EXT2: variants seen among roughly 807,000 people sequenced by gnomAD.
The protein encoded by EXT2 is exostosin glycosyltransferase 2, also known as exostosin-2.
Under a neutral mutation model 81.6 loss-of-function variants are expected in EXT2, and 53 were observed. The ratio of observed to expected loss-of-function variants is 0.65; its 90% confidence interval spans 0.52 to 0.82. The LOEUF is 0.82. Among genes scored for constraint, EXT2 ranks in the 40% least tolerant of loss-of-function variants. The pLI is 0.00. For missense variants in EXT2, 774 were observed against 910.2 expected (o/e 0.85, Z 1.93); for synonymous variants, 320 against 340.0 (o/e 0.94, Z 0.65).
At chr11:44,169,980 C>T (rs1406922207) in intron 7 of EXT2, among the ~76,000 whole-genome samples, 2 of 152,046 alleles carry the variant, frequency 1.3e-5, no homozygotes, top group Admixed American at 6.5e-5. Flanking sequence ...TCCATAGGCA[C>T]ACATGCAGGC....
Position 44,247,769 on chromosome 11 carries a change from A to T in EXT2, c.*3482A>T, listed in dbSNP as rs1956108033. Among the ~76,000 whole-genome samples, 1 of 152,348 alleles carries T rather than the reference A, an allele frequency of 6.6e-6. No homozygotes were observed. The highest frequency in any genetic ancestry group is 6.5e-5 in the Admixed American group (1 of 15,312). On this transcript the variant is annotated 3_prime_UTR_variant, in exon 14 of 14. Transcript: ENST00000533608. ...CCCTCTTTGCTCTCATTGGCCAAAG[A>T]TGTTGCTAATAACCCTGTGATCCTA...
intron 7 of EXT2, among the ~76,000 whole-genome samples, chr11:44,143,903 G>C (rs1358957251): frequency 6.6e-6 from 1 of 152,194 alleles, no homozygotes; most frequent in African/African-American, 2.4e-5. Flanking sequence ...AAAGAAAATA[G>C]AGTAGAGAAC....
intron 2 of EXT2, among the ~76,000 whole-genome samples, 161 bp from the exon 3 acceptor site, chr11:44,109,033 T>C (rs1954102836): frequency 6.6e-6 from 1 of 152,208 alleles, no homozygotes; most frequent in African/African-American, 2.4e-5. Context: ...GAGCCAGACT[T>C]GTGTCTGATG....
chr11:44,135,181 C>T (rs1233831478), intron 7 of EXT2, among the ~76,000 whole-genome samples: 3 of 152,088 alleles, frequency 2.0e-5, no homozygotes, highest in Non-Finnish European at 2.9e-5. Context: ...GTGCATACAC[C>T]GAAGTTCCTG....
chr11:44,146,382 A>G (rs1954717774), intron 7 of EXT2, among the ~76,000 whole-genome samples: 1 of 152,214 alleles, frequency 6.6e-6, no homozygotes, highest in Non-Finnish European at 1.5e-5. Context: ...AGTAGCTGTC[A>G]TTTAGTGGCT....
At position 44,249,986 on chromosome 11, in the gene EXT2, C is replaced by A. The variant is rs955139792; in HGVS notation, c.*5699C>A. On this transcript the variant is annotated 3_prime_UTR_variant, in exon 14 of 14. Coordinates refer to ENST00000533608, the MANE Select transcript of EXT2 (RefSeq NM_207122.2). Reference sequence around the variant, plus strand: ...TCGGGAGGCTGAGGCAGGAGAATGGCGTGAACCTGAGAGGTGGAGCTTGCA... The same window carrying A: ...TCGGGAGGCTGAGGCAGGAGAATGGAGTGAACCTGAGAGGTGGAGCTTGCA... 7.2e-5 allele frequency among the ~76,000 whole-genome samples: 11 copies of A among 152,172 alleles called. No homozygotes were observed. The highest frequency in any genetic ancestry group is 2.7e-4 in the African/African-American group (11 of 41,448).
chr11:44,239,868 G>C (rs1342890002), intron 13 of EXT2, among the ~76,000 whole-genome samples: 2 of 151,984 alleles, frequency 1.3e-5, no homozygotes, highest in East Asian at 3.9e-4. Context: ...CAGGGGATTT[G>C]TCCCAGGACC....
chr11:44,169,724 A>AT (rs1012318047), intron 7 of EXT2, among the ~76,000 whole-genome samples: 8 of 151,478 alleles, frequency 5.3e-5, no homozygotes, highest in South Asian at 2.1e-4. Flanking sequence ...CAGATTTCAG[A>AT]TTTTTTTTTA....
In EXT2 at chr11:44,119,163, TATATATAC is replaced by T. The variant is rs1565201273; in HGVS notation, c.743+4864_743+4871del. Reference sequence around the variant, plus strand: ...ATATATATATATATATATATATATATATATATACACATACACACACACACACACACATT... The same window carrying T: ...ATATATATATATATATATATATATATACATACACACACACACACACACATT... On this transcript the variant is annotated intron_variant, in intron 4 of 13. Coordinates refer to ENST00000533608, the MANE Select transcript of EXT2 (RefSeq NM_207122.2). Among the ~76,000 whole-genome samples, 415 of 48,100 alleles carry T rather than the reference TATATATAC, an allele frequency of 8.6e-3. 17 individuals carry two copies. The highest frequency in any genetic ancestry group is 0.024 in the African/African-American group (399 of 16,684). 31.6% of individuals were successfully genotyped at this position (48,100 alleles called of 152,430 possible). A position where few individuals can be genotyped will look rare whatever the true frequency, so the allele number is the denominator to read the frequency against.
chr11:44,215,904 C>T (rs528465336), intron 10 of EXT2, among the ~76,000 whole-genome samples: 1 of 139,688 alleles, frequency 7.2e-6, no homozygotes, highest in Non-Finnish European at 1.5e-5. Context: ...GAGTCTCGCT[C>T]TGTCGCCCAG....
chr11:44,237,110 TC>T (rs1212636233), intron 13 of EXT2, among the ~76,000 whole-genome samples: 5 of 152,140 alleles, frequency 3.3e-5, no homozygotes, highest in Non-Finnish European at 7.3e-5. Flanking sequence ...AACTCTGACA[TC>T]CCAGTAGTGC....
chr11:44,198,573 A>C (rs1215313259), intron 9 of EXT2, among the ~76,000 whole-genome samples: 2 of 152,124 alleles, frequency 1.3e-5, no homozygotes, highest in African/African-American at 4.8e-5. Context: ...GTTGAGGACT[A>C]TTTGATTCAT....
chr11:44,230,354 A>G (rs1045121880), intron 10 of EXT2, among the ~76,000 whole-genome samples: 2 of 152,186 alleles, frequency 1.3e-5, no homozygotes, highest in Admixed American at 6.5e-5. Context: ...TTCTCAGTGC[A>G]GTAGGAAGCC....
chr11:44,184,669 T>C (rs1209170602), intron 8 of EXT2, among the ~76,000 whole-genome samples: 1 of 152,154 alleles, frequency 6.6e-6, no homozygotes, highest in African/African-American at 2.4e-5. Flanking sequence ...GAGAATGGCA[T>C]GAACCCGGGA....
intron 7 of EXT2, among the ~76,000 whole-genome samples, chr11:44,159,462 A>T (rs965547057): frequency 8.6e-5 from 13 of 151,848 alleles, no homozygotes; most frequent in African/African-American, 2.9e-4. Context: ...TTTTCATTAC[A>T]GTGTGTTTGA....
intron 1 of EXT2, among the ~76,000 whole-genome samples, chr11:44,100,085 G>A (rs1953960291): frequency 6.6e-6 from 1 of 152,148 alleles, no homozygotes; most frequent in Admixed American, 6.5e-5. Flanking sequence ...TGTGTTCTCC[G>A]TGCTTCTCCA....
In EXT2 at chr11:44,245,890, G is replaced by A. The variant is rs1956089652; in HGVS notation, c.*1603G>A. 6.6e-6 allele frequency among the ~76,000 whole-genome samples: 1 copy of A among 152,174 alleles called. No homozygotes were observed. The highest frequency in any genetic ancestry group is 2.4e-5 in the African/African-American group (1 of 41,450). ...GGCAAGCGATCATCTCATCCAGTTT[G>A]TTCATTTTGCAAATGCAGAAACTGA... On this transcript the variant is annotated 3_prime_UTR_variant, in exon 14 of 14. Coordinates refer to ENST00000533608, the MANE Select transcript of EXT2 (RefSeq NM_207122.2).
At chr11:44,199,004 T>G (rs934795130) in intron 9 of EXT2, among the ~76,000 whole-genome samples, 1 of 152,228 alleles carries the variant, frequency 6.6e-6, no homozygotes, top group African/African-American at 2.4e-5. Flanking sequence ...ATGTTTGTTC[T>G]CTGAGAGAAT....
chr11:44,206,701 A>C (rs746021112), intron 9 of EXT2, 92 bp from the exon 10 acceptor site: 7 of 1,367,406 alleles, frequency 5.1e-6, no homozygotes, highest in Non-Finnish European at 7.2e-6. Context: ...ATACAAGCTG[A>C]TTCTCCCATC....
Sources: gnomAD v4.1 joint callset for allele counts (sites outside exome capture counted in the v4.1 genomes callset) on GRCh38, gnomAD v4.1.1 for gene constraint, MANE v1.5 for transcripts, NCBI Gene and HGNC (gene_info 2026-07-23, HGNC 2026-07-21) for gene names.